ZNF430: variants seen among roughly 807,000 people sequenced by gnomAD.
ZNF430 encodes the protein zinc finger protein 430.
In ZNF430, 35 loss-of-function variants were observed where a neutral mutation model predicts 56.7. The observed-to-expected ratio is 0.62, with a 90% confidence interval of 0.47 to 0.82. ZNF430 has a LOEUF of 0.82. Ranked by LOEUF, ZNF430 falls within the 40% of genes least tolerant of loss-of-function variation. The probability of loss-of-function intolerance (pLI) is 0.00; values close to 1 mark genes in which losing one functional copy is unlikely to be tolerated. For synonymous variants in ZNF430, 212 were observed against 224.3 expected (o/e 0.94, Z 0.49); for missense variants, 574 against 661.0 (o/e 0.87, Z 1.44).
chr19:21,046,366 T>C (rs901559982), intron 4 of ZNF430, among the ~76,000 whole-genome samples: 1 of 152,050 alleles, frequency 6.6e-6, no homozygotes, highest in Admixed American at 6.6e-5. Context: ...ATGTGTGAAT[T>C]TGATTATGTT....
chr19:21,056,206 G>A (rs73018974), intron 4 of ZNF430, among the ~76,000 whole-genome samples: 10,798 of 151,968 alleles, frequency 0.071, 459 homozygotes, highest in Non-Finnish European at 0.086. Context: ...TGGGCCAGGC[G>A]CGGTGGCTGG....
chr19:21,052,824 CAG>C (rs1225990059), intron 4 of ZNF430, among the ~76,000 whole-genome samples: 4 of 152,152 alleles, frequency 2.6e-5, no homozygotes, highest in Admixed American at 6.5e-5. Flanking sequence ...AGAATGGACT[CAG>C]GGACCTGGAG....
intron 2 of ZNF430, among the ~76,000 whole-genome samples, chr19:21,025,722 G>T (rs1208241358): frequency 4.6e-5 from 7 of 150,694 alleles, no homozygotes; most frequent in African/African-American, 1.5e-4. Flanking sequence ...CAGTAGCTGG[G>T]ATTACAGGCG....
intron 4 of ZNF430, among the ~76,000 whole-genome samples, chr19:21,054,669 C>CTTTTTTTTTTTGTTTTTTTTTTTTTTTT (rs1968339676): frequency 1.5e-5 from 1 of 65,582 alleles, no homozygotes; most frequent in African/African-American, 6.4e-5. Context: ...ATTTTTACGT[C>CTTTTTTTTTTTGTTTTTTTTTTTTTTTT]TTTTTTTTTT....
intron 4 of ZNF430, among the ~76,000 whole-genome samples, chr19:21,053,030 T>C (rs1365789506): frequency 1.3e-5 from 2 of 152,182 alleles, no homozygotes; most frequent in Admixed American, 6.5e-5. Context: ...AGGTGTTTCT[T>C]TTACGAGTTG....
chr19:21,054,910 G>A (rs1419542850), intron 4 of ZNF430, among the ~76,000 whole-genome samples: 3 of 151,806 alleles, frequency 2.0e-5, no homozygotes, highest in Non-Finnish European at 4.4e-5. Flanking sequence ...TCCTGACCTC[G>A]TGATGCACCT....
Position 21,057,407 on chromosome 19 carries a change from C to A in ZNF430, c.1099C>A (p.His367Asn), listed in dbSNP as rs1968398875. Residue 367 changes from histidine (H) to asparagine (N), a missense_variant, in exon 5 of 5, where the codon CAT (histidine) becomes AAT (asparagine). Physicochemically the swap from His to Asn is moderately conservative, Grantham distance 68. Coordinates refer to ENST00000261560, the MANE Select transcript of ZNF430 (RefSeq NM_025189.4). The stretch of plus-strand genomic sequence containing the variant: ...AACCCTTACTACACATAAGATAATT[C>A]ATGCTGGAGAGAAACCTTACAAATG... The part of the protein sequence containing the change: ...SSTLTTHKII[H>N]AGEKPYKCEE... The A allele has an allele frequency of 1.9e-6, 3 of 1,613,482 alleles. 1 individual carries two copies. The South Asian group carries it at 3.3e-5, about 18-fold the overall frequency.
intron 2 of ZNF430, among the ~76,000 whole-genome samples, chr19:21,032,591 G>A (rs1281980546): frequency 3.9e-5 from 6 of 152,146 alleles, no homozygotes; most frequent in Non-Finnish European, 7.3e-5. Context: ...GCTGGGCATG[G>A]TGGTACATGC....
chr19:21,048,293 A>AC (rs1968219340), intron 4 of ZNF430, among the ~76,000 whole-genome samples: 1 of 146,890 alleles, frequency 6.8e-6, no homozygotes, highest in Non-Finnish European at 1.5e-5. Flanking sequence ...AAACAAGTGA[A>AC]CAAGGGTCTC....
chr19:21,029,058 T>G (rs1967854628), intron 2 of ZNF430, among the ~76,000 whole-genome samples: 1 of 152,184 alleles, frequency 6.6e-6, no homozygotes, highest in South Asian at 2.1e-4. Context: ...TCAAGTTTCC[T>G]GATACTTGGA....
Position 21,059,703 on chromosome 19 carries a change from C to T in ZNF430, c.*1682C>T, listed in dbSNP as rs1239564469. ...TTGTAAATAATGATGTAATTCAACT[C>T]TCAAAATATTTCCTACTGTTTCTTT... On this transcript the variant is annotated 3_prime_UTR_variant, in exon 5 of 5. Transcript: ENST00000261560. 2 of 152,002 alleles carry T rather than the reference C, an allele frequency of 1.3e-5. No homozygotes were observed. Among genetic ancestry groups the T allele is most frequent in the Non-Finnish European group, 2.9e-5 (2 of 68,014 alleles). The allele number at this position is 152,002 out of a possible 1,614,324, so 9.4% of individuals were successfully genotyped here. A position where few individuals can be genotyped will look rare whatever the true frequency, so the allele number is the denominator to read the frequency against.
intron 4 of ZNF430, chr19:21,049,502 C>A (rs1398281513): frequency 2.0e-5 from 3 of 151,980 alleles, no homozygotes; most frequent in Admixed American, 2.0e-4. Context: ...TGTTTATATG[C>A]AGAGTCTGTG....
intron 2 of ZNF430, among the ~76,000 whole-genome samples, chr19:21,027,749 G>A (rs1051471516): frequency 2.6e-5 from 4 of 152,084 alleles, no homozygotes; most frequent in African/African-American, 9.7e-5. Context: ...GTAGAGTTCA[G>A]CTAGGAATTT....
At chr19:21,029,997 C>A (rs1367221105) in intron 2 of ZNF430, among the ~76,000 whole-genome samples, 1 of 151,918 alleles carries the variant, frequency 6.6e-6, no homozygotes, top group Non-Finnish European at 1.5e-5. Flanking sequence ...TCTGGTGAGT[C>A]CTGCTGCTTT....
At chr19:21,024,167 C>T (rs1380941082) in intron 2 of ZNF430, among the ~76,000 whole-genome samples, 2 of 152,098 alleles carry the variant, frequency 1.3e-5, no homozygotes, top group Non-Finnish European at 2.9e-5. Context: ...TGCAGATGTC[C>T]TAGCCTGCTC....
intron 4 of ZNF430, among the ~76,000 whole-genome samples, chr19:21,039,630 C>G (rs1391494827): frequency 6.6e-6 from 1 of 151,720 alleles, no homozygotes; most frequent in Non-Finnish European, 1.5e-5. Flanking sequence ...TTATGCCCGG[C>G]TAATTTTTGT....
chr19:21,029,400 T>C (rs942449271), intron 2 of ZNF430, among the ~76,000 whole-genome samples: 1 of 151,242 alleles, frequency 6.6e-6, no homozygotes, highest in Non-Finnish European at 1.5e-5. Flanking sequence ...CTAAAGAACT[T>C]TAATAAATTT....
chr19:21,026,361 G>T (rs756170838), intron 2 of ZNF430, among the ~76,000 whole-genome samples: 7 of 151,860 alleles, frequency 4.6e-5, no homozygotes, highest in Non-Finnish European at 8.8e-5. Context: ...GCCAGTTTTT[G>T]TATTTTTAGT....
chr19:21,056,933 A>G lies in ZNF430; in HGVS notation c.625A>G (p.Lys209Glu), dbSNP rs778706138. 1 of 1,613,496 alleles carries G rather than the reference A, an allele frequency of 6.2e-7. No individual in the cohort carries two copies. Among genetic ancestry groups the G allele is most frequent in the South Asian group, 1.1e-5 (1 of 90,910 alleles). ...HTGKKPFKCK[K>E]CDKSFCMLLH... ...TGGAAAGAAGCCTTTCAAATGTAAA[A>G]AATGTGACAAATCGTTTTGCATGCT... is the stretch of plus-strand genomic sequence containing the variant. Residue 209 changes from lysine to glutamate, a missense_variant, in exon 5 of 5, where the codon AAA becomes GAA. Physicochemically the swap from Lys to Glu is moderately conservative, Grantham distance 56. This residue lies in a region of ZNF430 where 346 missense variants were observed against 399.1 expected (regional missense o/e 0.87). Transcript: ENST00000261560.
Sources: allele counts gnomAD v4.1 joint callset (sites outside exome capture counted in the v4.1 genomes callset), GRCh38; gene constraint gnomAD v4.1.1; regional missense constraint gnomAD v4.1.1; transcripts MANE v1.5; gene names NCBI Gene and HGNC (gene_info 2026-07-23, HGNC 2026-07-21).